The following ARMH3 variants were observed in gnomAD, a reference collection of about 807,000 sequenced individuals.
ARMH3 encodes armadillo-like helical domain-containing protein 3.
Under a neutral mutation model 99.1 loss-of-function variants are expected in ARMH3, and 60 were observed. That is an observed-to-expected ratio of 0.61 (90% CI 0.49 to 0.75). The LOEUF is 0.75. Among genes scored for constraint, ARMH3 ranks in the 30% least tolerant of loss-of-function variants. ARMH3 has a pLI of 0.00. For synonymous variants in ARMH3, 285 were observed against 292.8 expected (o/e 0.97, Z 0.27); for missense variants, 679 against 843.1 (o/e 0.81, Z 2.41).
intron 5 of ARMH3, among the ~76,000 whole-genome samples, chr10:102,026,613 G>C (rs567104727): frequency 1.3e-5 from 2 of 152,298 alleles, no homozygotes; most frequent in South Asian, 4.1e-4. Context: ...TGGAATAAAA[G>C]TAGTTTGTTT....
intron 24 of ARMH3, among the ~76,000 whole-genome samples, chr10:101,874,561 G>C (rs762205846): frequency 6.6e-6 from 1 of 152,098 alleles, no homozygotes; most frequent in Non-Finnish European, 1.5e-5. Context: ...TTCTCAGCTG[G>C]GGACTAGCTA....
intron 25 of ARMH3, among the ~76,000 whole-genome samples, chr10:101,848,604 A>C (rs2066513822): frequency 6.6e-6 from 1 of 152,208 alleles, no homozygotes; most frequent in Admixed American, 6.5e-5. Flanking sequence ...AGCAGAGGAA[A>C]GGGCAGCATG....
At chr10:102,011,142 TGGAGTCTTGCCAGCTG>T (rs149497993) in intron 11 of ARMH3, among the ~76,000 whole-genome samples, 7,439 of 152,222 alleles carry the variant, frequency 0.049, 196 homozygotes, top group Middle Eastern at 0.089. Flanking sequence ...AACCTTGCCC[TGGAGTCTTGCCAGCTG>T]GACCAATAAC....
At chr10:101,957,816 A>C in intron 20 of ARMH3, 84 bp from the exon 21 acceptor site, 5 of 1,483,440 alleles carry the variant, frequency 3.4e-6, no homozygotes, top group Non-Finnish European at 4.4e-6. Flanking sequence ...GCTCTAAAAA[A>C]AATCCAGAAG....
chr10:101,991,525 C>T (rs150686855), intron 18 of ARMH3, among the ~76,000 whole-genome samples: 1 of 152,200 alleles, frequency 6.6e-6, no homozygotes, highest in East Asian at 1.9e-4. Flanking sequence ...GGATTACAGG[C>T]GCACGCCAAC....
rs919462747 is a variant in ARMH3 at position 101,846,547 on chromosome 10, G to C, written c.*981C>G. Reference sequence around the variant, plus strand: ...GATGAGTCAAATGGGCCAGAAGAAGGGGAAAGCTAACGGTACTCCTGGTGC... The same window carrying C: ...GATGAGTCAAATGGGCCAGAAGAAGCGGAAAGCTAACGGTACTCCTGGTGC... On this transcript the variant is annotated 3_prime_UTR_variant, in exon 26 of 26. Coordinates refer to ENST00000370033, the MANE Select transcript of ARMH3 (RefSeq NM_024541.3). The C allele has an allele frequency of 6.6e-6, 1 of 152,372 alleles. No individual in the cohort carries two copies. The highest frequency in any genetic ancestry group is 2.4e-5 in the African/African-American group (1 of 41,438). 9.4% of individuals were successfully genotyped at this position (152,372 alleles called of 1,614,324 possible). A position where few individuals can be genotyped will look rare whatever the true frequency, so the allele number is the denominator to read the frequency against.
chr10:102,009,314 G>A, intron 13 of ARMH3, 60 bp downstream of exon 13: 1 of 1,460,566 alleles, frequency 6.8e-7, no homozygotes, highest in South Asian at 1.2e-5. Flanking sequence ...GCTTTTCAAT[G>A]GAATTAATCG....
chr10:102,051,474 GAA>G (rs771899987), intron 1 of ARMH3, among the ~76,000 whole-genome samples: 4 of 129,610 alleles, frequency 3.1e-5, no homozygotes, highest in Non-Finnish European at 3.3e-5. Flanking sequence ...CTCCATTTCG[GAA>G]AAAAAAAAAA....
chr10:101,975,286 AC>A lies in ARMH3; in HGVS notation c.1420del (p.Val474Ter). On this transcript the variant is annotated frameshift_variant, in exon 20 of 26. Coordinates refer to ENST00000370033, the MANE Select transcript of ARMH3 (RefSeq NM_024541.3). LOFTEE classifies it high-confidence loss of function. ...PMDLYIRCIQ[V>X]VHKLLCYQKK... Reference sequence around the variant, plus strand: ...CTGGTAGCAGAGCAGTTTGTGTACTACCTGGATGCAGCGTCTGTAACAGGGA... The same window carrying A: ...CTGGTAGCAGAGCAGTTTGTGTACTACTGGATGCAGCGTCTGTAACAGGGA... The A allele has an allele frequency of 6.2e-7, 1 of 1,612,462 alleles. No individual in the cohort carries two copies. The highest frequency in any genetic ancestry group is 8.5e-7 in the Non-Finnish European group (1 of 1,178,938).
chr10:101,863,270 A>T (rs575296046), intron 24 of ARMH3, among the ~76,000 whole-genome samples: 3 of 152,258 alleles, frequency 2.0e-5, no homozygotes, highest in Non-Finnish European at 2.9e-5. Flanking sequence ...CTGACAAAGG[A>T]AACTTAAAAA....
intron 14 of ARMH3, 131 bp from the exon 15 acceptor site, chr10:102,002,203 G>A: frequency 7.4e-7 from 1 of 1,359,390 alleles, no homozygotes; most frequent in African/African-American, 1.4e-5. Context: ...GGAGGACCAA[G>A]TGCTCATCAC....
chr10:101,989,292 T>C lies in ARMH3; in HGVS notation c.1406+1259A>G, dbSNP rs189225175. Among the ~76,000 whole-genome samples the C allele has an allele frequency of 4.8e-3, 725 of 152,152 alleles. 11 individuals are homozygous for C. The highest frequency in any genetic ancestry group is 7.5e-3 in the South Asian group (36 of 4,814). ...CACACACCTGTAGTCCCAGCTACTT[T>C]GGGAGGCTGAGGTGGGAGGACTGCT... On this transcript the variant is annotated intron_variant, in intron 19 of 25. Transcript: ENST00000370033.
intron 20 of ARMH3, among the ~76,000 whole-genome samples, chr10:101,969,826 T>C (rs1190136094): frequency 1.3e-5 from 2 of 152,188 alleles, no homozygotes; most frequent in African/African-American, 4.8e-5. Context: ...ATCATGACTC[T>C]GTTTAGCGTC....
chr10:101,984,222 A>G (rs532277039), intron 19 of ARMH3, among the ~76,000 whole-genome samples: 121 of 152,360 alleles, frequency 7.9e-4, no homozygotes, highest in African/African-American at 2.5e-3. Context: ...ACCAAGTGAC[A>G]TAAGTTGCAA....
At chr10:101,933,003 G>A (rs1187279049) in intron 23 of ARMH3, among the ~76,000 whole-genome samples, 5 of 152,100 alleles carry the variant, frequency 3.3e-5, no homozygotes, top group African/African-American at 7.2e-5. Flanking sequence ...TGGCTAACAC[G>A]GTGAAACCCC....
chr10:101,982,021 CAA>C (rs71016356), intron 19 of ARMH3, among the ~76,000 whole-genome samples: 14 of 58,990 alleles, frequency 2.4e-4, no homozygotes, highest in African/African-American at 4.8e-4. Flanking sequence ...GACTCTATCT[CAA>C]AAAAAAAAAA....
chr10:101,949,729 A>G (rs1844707151), intron 22 of ARMH3, among the ~76,000 whole-genome samples: 1 of 152,202 alleles, frequency 6.6e-6, no homozygotes, highest in African/African-American at 2.4e-5. Context: ...TTATGAGGCC[A>G]AAATTAACTA....
chr10:101,953,646 T>C (rs1360339989), intron 22 of ARMH3, among the ~76,000 whole-genome samples: 1 of 151,598 alleles, frequency 6.6e-6, no homozygotes, highest in Non-Finnish European at 1.5e-5. Context: ...TCAACATCAT[T>C]ATTCACGCAA....
chr10:101,996,349 T>C (rs1023140755), intron 15 of ARMH3, among the ~76,000 whole-genome samples: 1 of 152,226 alleles, frequency 6.6e-6, no homozygotes, highest in Admixed American at 6.5e-5. Flanking sequence ...ATTGACCTGC[T>C]TCTTTCTCAA....
Sources: allele counts gnomAD v4.1 joint callset (sites outside exome capture counted in the v4.1 genomes callset), GRCh38; gene constraint gnomAD v4.1.1; transcripts MANE v1.5; gene names NCBI Gene and HGNC (gene_info 2026-07-23, HGNC 2026-07-21).